Variants in GPC6 observed in about 807,000 individuals in gnomAD.
GPC6 encodes glypican-6.
Under a neutral mutation model 55.2 loss-of-function variants are expected in GPC6, and 14 were observed. That is an observed-to-expected ratio of 0.25 (90% confidence interval 0.17 to 0.40). The LOEUF (loss-of-function observed/expected upper bound fraction) is 0.40. Ranked by LOEUF, GPC6 falls within the 10% of genes least tolerant of loss-of-function variation. The pLI is 1.00. For missense variants in GPC6, 641 were observed against 708.5 expected (o/e 0.90, Z 1.08); for synonymous variants, 278 against 259.6 (o/e 1.07, Z -0.68).
intron 4 of GPC6, among the ~76,000 whole-genome samples, chr13:94,204,078 C>A (rs1426869322): frequency 6.6e-6 from 1 of 152,042 alleles, no homozygotes; most frequent in East Asian, 1.9e-4. Context: ...TGAAGAAAAT[C>A]ATTGCTTTGG....
chr13:94,324,527 G>A (rs1050966058), intron 6 of GPC6, among the ~76,000 whole-genome samples: 23 of 151,988 alleles, frequency 1.5e-4, no homozygotes, highest in African/African-American at 4.6e-4. Context: ...TTGACTATGG[G>A]GAATGACAGC....
At chr13:93,748,303 G>A (rs1884468959) in intron 2 of GPC6, among the ~76,000 whole-genome samples, 1 of 152,036 alleles carries the variant, frequency 6.6e-6, no homozygotes, top group Admixed American at 6.6e-5. Flanking sequence ...TGAGGTGAGG[G>A]AGACAGTTTC....
rs190787282 is a variant in GPC6 at position 93,778,841 on chromosome 13, G to C, written c.320-51313G>C. 2.0e-5 allele frequency among the ~76,000 whole-genome samples: 3 copies of C among 152,258 alleles called. No homozygotes were observed. In the East Asian group the frequency reaches 5.8e-4, roughly 29 times the overall value. ...TGGGAATGTGTGCCTTAAGTTTCTGGGTTGGCTGGATACATTTGCCTTGAT... is the reference window on the plus strand; with the variant it reads ...TGGGAATGTGTGCCTTAAGTTTCTGCGTTGGCTGGATACATTTGCCTTGAT... On this transcript the variant is annotated intron_variant, in intron 2 of 8. Coordinates refer to ENST00000377047, the MANE Select transcript of GPC6 (RefSeq NM_005708.5).
At chr13:94,183,353 A>C (rs946363514) in intron 4 of GPC6, among the ~76,000 whole-genome samples, 6 of 152,156 alleles carry the variant, frequency 3.9e-5, no homozygotes, top group Non-Finnish European at 8.8e-5. Flanking sequence ...AAATGTTCTC[A>C]AGGTCTATCC....
At chr13:94,174,566 CAGA>C (rs1888680244) in intron 4 of GPC6, among the ~76,000 whole-genome samples, 1 of 151,978 alleles carries the variant, frequency 6.6e-6, no homozygotes, top group Admixed American at 6.6e-5. Flanking sequence ...TGTGGCAAAG[CAGA>C]AGGTCAGTGA....
At chr13:93,597,026 A>AAAAAAAG in intron 2 of GPC6, among the ~76,000 whole-genome samples, 1 of 142,082 alleles carries the variant, frequency 7.0e-6, no homozygotes, top group African/African-American at 2.9e-5. Context: ...AAAAAAAAAA[A>AAAAAAAG]AAAAGAAAAG....
chr13:93,587,847 C>A (rs923537805), intron 2 of GPC6, among the ~76,000 whole-genome samples: 1 of 152,146 alleles, frequency 6.6e-6, no homozygotes, highest in Non-Finnish European at 1.5e-5. Flanking sequence ...GTTTAGGGAA[C>A]ACATAATGCG....
At chr13:94,174,920 G>A (rs1016247638) in intron 4 of GPC6, among the ~76,000 whole-genome samples, 8 of 152,072 alleles carry the variant, frequency 5.3e-5, no homozygotes, top group Non-Finnish European at 1.2e-4. Context: ...TGACTTTTAT[G>A]TATGAGTACA....
intron 3 of GPC6, among the ~76,000 whole-genome samples, chr13:93,890,359 G>C (rs1301334299): frequency 6.6e-6 from 1 of 152,098 alleles, no homozygotes; most frequent in Non-Finnish European, 1.5e-5. Context: ...ATAAGACAGA[G>C]TAGCTCTCTT....
intron 4 of GPC6, among the ~76,000 whole-genome samples, chr13:94,066,676 G>T (rs529462895): frequency 2.6e-5 from 4 of 152,202 alleles, no homozygotes; most frequent in Non-Finnish European, 5.9e-5. Flanking sequence ...GACCAAGTCA[G>T]TATTTTCTCA....
At chr13:93,529,589 C>G (rs995439306) in intron 1 of GPC6, among the ~76,000 whole-genome samples, 3 of 141,586 alleles carry the variant, frequency 2.1e-5, no homozygotes. Flanking sequence ...CATCTCGGCT[C>G]ACTGCAACCT....
At chr13:94,037,448 A>G (rs1883378723) in intron 4 of GPC6, among the ~76,000 whole-genome samples, 1 of 151,986 alleles carries the variant, frequency 6.6e-6, no homozygotes, top group African/African-American at 2.4e-5. Context: ...AAGAAATTCT[A>G]TTCTTCTATT....
intron 1 of GPC6, among the ~76,000 whole-genome samples, chr13:93,345,595 T>G: frequency 6.6e-6 from 1 of 152,156 alleles, no homozygotes; most frequent in East Asian, 1.9e-4. Flanking sequence ...TTTGCATAAC[T>G]TTTGAAAGAA....
chr13:94,313,928 A>G (rs1405306481), intron 6 of GPC6, among the ~76,000 whole-genome samples: 1 of 152,286 alleles, frequency 6.6e-6, no homozygotes, highest in South Asian at 2.1e-4. Flanking sequence ...CAGGCTTTAA[A>G]ATTTCTTTCA....
chr13:93,259,086 G>T (rs1594056975), intron 1 of GPC6, among the ~76,000 whole-genome samples: 1 of 152,284 alleles, frequency 6.6e-6, no homozygotes, highest in East Asian at 1.9e-4. Context: ...GTAGGGTAGG[G>T]TTATTGATTA....
intron 2 of GPC6, among the ~76,000 whole-genome samples, chr13:93,676,116 AAAAAAAAAAAATATATATATAT>A (rs1881585451): frequency 1.3e-4 from 2 of 15,878 alleles, no homozygotes; most frequent in African/African-American, 3.1e-4. Flanking sequence ...TAAAAAAAAA[AAAAAAAAAAAATATATATATAT>A]ATATATATAT....
At chr13:94,199,500 T>C (rs1314524999) in intron 4 of GPC6, among the ~76,000 whole-genome samples, 1 of 152,140 alleles carries the variant, frequency 6.6e-6, no homozygotes, top group Non-Finnish European at 1.5e-5. Context: ...ACAATAACAT[T>C]CACTCCACGG....
chr13:94,042,624 G>T (rs924554011), intron 4 of GPC6, among the ~76,000 whole-genome samples: 4 of 151,516 alleles, frequency 2.6e-5, no homozygotes, highest in Non-Finnish European at 4.4e-5. Context: ...TCTCGATTTG[G>T]GTTCTTCTGA....
intron 1 of GPC6, among the ~76,000 whole-genome samples, chr13:93,309,038 G>A (rs1300360556): frequency 2.0e-5 from 3 of 152,010 alleles, no homozygotes; most frequent in South Asian, 2.1e-4. Flanking sequence ...AACTACTATA[G>A]TGGAACAAAA....
Sources: allele counts gnomAD v4.1 joint callset (sites outside exome capture counted in the v4.1 genomes callset), GRCh38; gene constraint gnomAD v4.1.1; transcripts MANE v1.5; gene names NCBI Gene and HGNC (gene_info 2026-07-23, HGNC 2026-07-21).